The following GTF2H1 variants were observed in gnomAD, a reference collection of about 807,000 sequenced individuals.
GTF2H1 encodes BTF2 p62.
In GTF2H1, 16 loss-of-function variants were observed where a neutral mutation model predicts 71.2. That is an observed-to-expected ratio of 0.22 (90% confidence interval 0.15 to 0.34). GTF2H1 has a LOEUF of 0.34. GTF2H1 is among the 10% of genes least tolerant of loss of function. The pLI, the probability that GTF2H1 is intolerant of heterozygous loss-of-function variation, is 1.00. For synonymous variants in GTF2H1, 215 were observed against 219.0 expected (o/e 0.98, Z 0.16); for missense variants, 498 against 648.2 (o/e 0.77, Z 2.52).
rs1444312262 is a variant in GTF2H1, at chr11:18,366,226, T to G, written c.*357T>G. ...ATTCACATTAAGCTGCTTTCAGAAA[T>G]TAAAAAAACACTTTTTAAAGGGTGC... On this transcript the variant is annotated 3_prime_UTR_variant, in exon 15 of 15. Transcript: ENST00000265963. 1 of 193,318 alleles carries G rather than the reference T, an allele frequency of 5.2e-6. No homozygotes were observed. Among genetic ancestry groups the G allele is most frequent in the Non-Finnish European group, 1.0e-5 (1 of 95,288 alleles). 12.0% of individuals were successfully genotyped at this position (193,318 alleles called of 1,614,324 possible).
chr11:18,355,501 T>A (rs144037194), intron 11 of GTF2H1, among the ~76,000 whole-genome samples: 1 of 102,628 alleles, frequency 9.7e-6, no homozygotes, highest in Non-Finnish European at 2.1e-5. Flanking sequence ...ATAAATAAAT[T>A]TACTTATTTA....
chr11:18,335,171 G>T (rs199662911), intron 2 of GTF2H1, among the ~76,000 whole-genome samples: 1 of 152,130 alleles, frequency 6.6e-6, no homozygotes, highest in Non-Finnish European at 1.5e-5. Context: ...AACATTTTGT[G>T]CAAGAGTAAT....
chr11:18,351,594 A>G (rs1053788358), intron 9 of GTF2H1: 7 of 215,938 alleles, frequency 3.2e-5, no homozygotes, highest in Non-Finnish European at 5.6e-5. Flanking sequence ...ATAACAGATC[A>G]TTCATTTGGG....
intron 13 of GTF2H1, among the ~76,000 whole-genome samples, chr11:18,359,620 A>G (rs1003451708): frequency 2.0e-5 from 3 of 152,226 alleles, no homozygotes; most frequent in Admixed American, 6.5e-5. Flanking sequence ...ACCACTCTCT[A>G]AGATAGAGGA....
At chr11:18,331,880 A>G (rs1864907947) in intron 1 of GTF2H1, among the ~76,000 whole-genome samples, 3 of 152,132 alleles carry the variant, frequency 2.0e-5, no homozygotes, top group Admixed American at 2.0e-4. Context: ...TTGTTTAGAG[A>G]CACAGGTCTC....
intron 4 of GTF2H1, 32 bp downstream of exon 4, chr11:18,338,306 TAAA>T: frequency 6.7e-7 from 1 of 1,498,938 alleles, no homozygotes; most frequent in Non-Finnish European, 9.3e-7. Flanking sequence ...CTGAAGAAAA[TAAA>T]AATTCAAACC....
chr11:18,350,049 A>G (rs1453864414), intron 9 of GTF2H1, among the ~76,000 whole-genome samples: 1 of 152,248 alleles, frequency 6.6e-6, no homozygotes, highest in Non-Finnish European at 1.5e-5. Flanking sequence ...AAGTTGAAAA[A>G]TTCCAAGTCA....
intron 9 of GTF2H1, chr11:18,348,172 G>T: frequency 1.8e-6 from 1 of 568,922 alleles, no homozygotes; most frequent in South Asian, 2.4e-5. Context: ...TTCCTCACAT[G>T]TACACATACA....
At chr11:18,331,730 A>G (rs867078391) in intron 1 of GTF2H1, among the ~76,000 whole-genome samples, 26 of 151,916 alleles carry the variant, frequency 1.7e-4, no homozygotes, top group African/African-American at 5.6e-4. Flanking sequence ...CTTTATTACA[A>G]GAATTTCTGA....
chr11:18,365,686 C>G, intron 14 of GTF2H1, 97 bp from the exon 15 acceptor site: 1 of 789,584 alleles, frequency 1.3e-6, no homozygotes, highest in East Asian at 2.5e-5. Context: ...CAGAGGAGCT[C>G]CGAAACTACA....
chr11:18,354,894 C>T (rs139699421), intron 11 of GTF2H1, among the ~76,000 whole-genome samples: 5,022 of 151,866 alleles, frequency 0.033, 271 homozygotes, highest in African/African-American at 0.11. Context: ...CTGCAACCTC[C>T]ACCTCCCTGG....
At chr11:18,341,703 G>A in intron 7 of GTF2H1, 96 bp downstream of exon 7, 1 of 721,042 alleles carries the variant, frequency 1.4e-6, no homozygotes, top group Non-Finnish European at 2.3e-6. Flanking sequence ...TTGTGAGAAT[G>A]TCAAATAAGC....
intron 1 of GTF2H1, among the ~76,000 whole-genome samples, chr11:18,327,730 A>G (rs7936225): frequency 0.02 from 2,970 of 152,264 alleles, 103 homozygotes; most frequent in African/African-American, 0.068. Flanking sequence ...CTGGGACTAC[A>G]GATGTGTACC....
chr11:18,347,455 T>C (rs1238320812), intron 7 of GTF2H1, 133 bp from the exon 8 acceptor site: 3 of 586,242 alleles, frequency 5.1e-6, no homozygotes, highest in African/African-American at 1.9e-5. Context: ...TTTAAATGTT[T>C]GTTCATAAAT....
intron 7 of GTF2H1, among the ~76,000 whole-genome samples, chr11:18,342,908 TTTTTG>T (rs1354002042): frequency 3.3e-5 from 5 of 152,000 alleles, no homozygotes; most frequent in Middle Eastern, 3.4e-3. Flanking sequence ...CCCTGTTTGG[TTTTTG>T]TTTTGTTTTG....
chr11:18,342,255 T>TTTTTG (rs1172146007), intron 7 of GTF2H1, among the ~76,000 whole-genome samples: 1 of 16,836 alleles, frequency 5.9e-5, no homozygotes, highest in African/African-American at 1.6e-4. Context: ...TCTGTCTCTT[T>TTTTTG]TTTTTTTTTT....
At chr11:18,350,792 T>C (rs989433842) in intron 9 of GTF2H1, among the ~76,000 whole-genome samples, 1 of 152,230 alleles carries the variant, frequency 6.6e-6, no homozygotes, top group Non-Finnish European at 1.5e-5. Context: ...TCAAGGCTGA[T>C]TTGCACAAAT....
intron 1 of GTF2H1, among the ~76,000 whole-genome samples, chr11:18,329,558 CA>C (rs1864846519): frequency 6.6e-6 from 1 of 152,322 alleles, no homozygotes; most frequent in East Asian, 1.9e-4. Context: ...CTCCCCTATT[CA>C]AAAGTCTTCA....
chr11:18,325,408 C>T (rs1590177628), intron 1 of GTF2H1, among the ~76,000 whole-genome samples: 1 of 152,324 alleles, frequency 6.6e-6, no homozygotes, highest in Admixed American at 6.5e-5. Flanking sequence ...CTTATTATGT[C>T]TTAGCAAGAG....
Sources: allele counts gnomAD v4.1 joint callset (sites outside exome capture counted in the v4.1 genomes callset), GRCh38; gene constraint gnomAD v4.1.1; transcripts MANE v1.5; gene names NCBI Gene and HGNC (gene_info 2026-07-23, HGNC 2026-07-21).